Variants in GLRA2 observed in about 807,000 individuals in gnomAD.
The protein encoded by GLRA2 is glycine receptor subunit alpha-2.
GLRA2 carries 11 observed loss-of-function variants against 31.6 expected under a neutral mutation model. The observed-to-expected ratio is 0.35, with a 90% CI of 0.22 to 0.58. The LOEUF is 0.58. Among genes scored for constraint, GLRA2 ranks in the 20% least tolerant of loss-of-function variants. GLRA2 has a pLI of 0.84. For synonymous variants in GLRA2, 132 were observed against 134.0 expected (o/e 0.99, Z 0.10); for missense variants, 212 against 351.8 (o/e 0.60, Z 3.18).
At chrX:14,594,201 G>A (rs1443389276) in intron 4 of GLRA2, among the ~76,000 whole-genome samples, 1 of 111,178 alleles carries the variant, frequency 9.0e-6, no homozygotes, top group Non-Finnish European at 1.9e-5. Flanking sequence ...AGGTTACTTT[G>A]GTTTTCTCAA....
chrX:14,565,039 G>C, intron 2 of GLRA2, among the ~76,000 whole-genome samples: 1 of 109,513 alleles, frequency 9.1e-6, no homozygotes. Context: ...AAACATAAAA[G>C]AGGTCATAAT....
intron 2 of GLRA2, among the ~76,000 whole-genome samples, chrX:14,563,135 T>A (rs573370366): frequency 1.8e-5 from 2 of 112,571 alleles, no homozygotes; most frequent in Non-Finnish European, 3.8e-5. Flanking sequence ...GAAATATGTG[T>A]GCTCAGAAAA....
At chrX:14,670,907 T>G (rs2091085612) in intron 7 of GLRA2, among the ~76,000 whole-genome samples, 1 of 111,782 alleles carries the variant, frequency 8.9e-6, no homozygotes, top group Non-Finnish European at 1.9e-5. Context: ...TATATAACAT[T>G]TCTGCAAATA....
intron 2 of GLRA2, among the ~76,000 whole-genome samples, chrX:14,539,099 G>A (rs763141889): frequency 1.6e-4 from 18 of 111,052 alleles, no homozygotes; most frequent in Non-Finnish European, 3.4e-4. Flanking sequence ...GACTTAAATG[G>A]CATCAATATT....
chrX:14,504,060 A>G, the GLRA2 span, among the ~76,000 whole-genome samples: 1 of 111,631 alleles, frequency 9.0e-6, no homozygotes, highest in Non-Finnish European at 1.9e-5. Context: ...CTTTTTTTCT[A>G]CTAATATAGC....
chrX:14,558,865 T>C (rs535961079), intron 2 of GLRA2, among the ~76,000 whole-genome samples: 1 of 109,184 alleles, frequency 9.2e-6, no homozygotes, highest in African/African-American at 3.3e-5. Context: ...CACTCTGTTG[T>C]CCAGGTTGGA....
chrX:14,452,990 G>A, the GLRA2 span, among the ~76,000 whole-genome samples: 5 of 111,953 alleles, frequency 4.5e-5, no homozygotes, highest in Non-Finnish European at 9.4e-5. Flanking sequence ...TAATTTGAGA[G>A]TTAGTAGCCT....
intron 5 of GLRA2, among the ~76,000 whole-genome samples, chrX:14,604,930 A>T (rs2090318495): frequency 9.0e-6 from 1 of 110,671 alleles, no homozygotes; most frequent in Admixed American, 9.7e-5. Flanking sequence ...AGATGGAATA[A>T]GACAGAATAA....
chrX:14,517,407 C>T, the GLRA2 span, among the ~76,000 whole-genome samples: 2 of 112,225 alleles, frequency 1.8e-5, no homozygotes, highest in African/African-American at 6.5e-5. Context: ...AGTTGACTCA[C>T]AGTTATGCAT....
At chrX:14,528,826 C>A (rs2089214989), upstream of GLRA2, among the ~76,000 whole-genome samples, 1 of 111,494 alleles carries the variant, frequency 9.0e-6, no homozygotes, top group Admixed American at 9.5e-5. Flanking sequence ...CTGCCCCCTG[C>A]CGGCCCATTG....
the GLRA2 span, among the ~76,000 whole-genome samples, chrX:14,516,333 G>A: frequency 9.0e-6 from 1 of 111,213 alleles, no homozygotes; most frequent in African/African-American, 3.3e-5. Flanking sequence ...TTCTTGTTTT[G>A]GACCTCTGAG....
intron 4 of GLRA2, among the ~76,000 whole-genome samples, chrX:14,594,907 C>T (rs1347288002): frequency 5.9e-5 from 6 of 102,291 alleles, no homozygotes; most frequent in African/African-American, 1.1e-4. Context: ...AGCAGTGTTG[C>T]CATTTATCTC....
At chrX:14,490,701 T>C in the GLRA2 span, among the ~76,000 whole-genome samples, 38 of 111,857 alleles carry the variant, frequency 3.4e-4, no homozygotes, top group Non-Finnish European at 4.1e-4. Context: ...TCTTCTGTCA[T>C]TGATGCTAAA....
At chrX:14,484,874 G>A in the GLRA2 span, among the ~76,000 whole-genome samples, 1 of 111,818 alleles carries the variant, frequency 8.9e-6, no homozygotes, top group African/African-American at 3.3e-5. Context: ...AGAGAATAAT[G>A]TTCATTTCGG....
intron 7 of GLRA2, among the ~76,000 whole-genome samples, chrX:14,660,629 G>A (rs757109173): frequency 1.8e-5 from 2 of 111,952 alleles, no homozygotes; most frequent in East Asian, 5.6e-4. Context: ...TTATCAAAGC[G>A]AGAGATGGAG....
intron 8 of GLRA2, among the ~76,000 whole-genome samples, chrX:14,726,149 CTTTA>C (rs2091926305): frequency 8.9e-6 from 1 of 112,164 alleles, no homozygotes. Context: ...ACAGATTGTT[CTTTA>C]TTTTAGTTTC....
chrX:14,714,760 AG>A (rs1184820945), intron 8 of GLRA2, among the ~76,000 whole-genome samples: 2 of 112,675 alleles, frequency 1.8e-5, no homozygotes, highest in Non-Finnish European at 3.7e-5. Flanking sequence ...AATAGTACAA[AG>A]CACCACAGTG....
intron 4 of GLRA2, among the ~76,000 whole-genome samples, chrX:14,598,503 G>C (rs1194424693): frequency 8.9e-6 from 1 of 112,203 alleles, no homozygotes; most frequent in African/African-American, 3.2e-5. Context: ...CCCAGCCATG[G>C]CCCTAACTAG....
rs147160779 is a variant in GLRA2 at position 14,587,281 on chromosome X, C to A, written c.494+5875C>A. Among the ~76,000 whole-genome samples, 895 of 111,866 alleles carry A rather than the reference C, an allele frequency of 8.0e-3. 5 individuals are homozygous for A. The highest frequency in any genetic ancestry group is 0.018 in the Middle Eastern group (4 of 218). ...ACAATTTCATGTGTCTTTTGTAGAA[C>A]AATTTATTTTCTTTGGGGTACACAC... is the stretch of plus-strand genomic sequence containing the variant. On this transcript the variant is annotated intron_variant, in intron 4 of 8. Coordinates refer to ENST00000218075, the MANE Select transcript of GLRA2 (RefSeq NM_002063.4).
Sources: allele counts gnomAD v4.1 joint callset (sites outside exome capture counted in the v4.1 genomes callset), GRCh38; gene constraint gnomAD v4.1.1; transcripts MANE v1.5; gene names NCBI Gene and HGNC (gene_info 2026-07-23, HGNC 2026-07-21).